The following SLC38A6 variants were observed in gnomAD, a reference collection of about 807,000 sequenced individuals.
SLC38A6 encodes solute carrier family 38 member 6, also known as N system amino acid transporter NAT-1.
In SLC38A6, 73 loss-of-function variants were observed where a neutral mutation model predicts 65.0. The observed-to-expected ratio is 1.12, with a 90% CI of 0.93 to 1.37. The LOEUF is 1.37. Among genes scored for constraint, SLC38A6 ranks in the 40% most tolerant of loss-of-function variants. The pLI is 0.00. For missense variants in SLC38A6, 561 were observed against 531.1 expected (o/e 1.06, Z -0.55); for synonymous variants, 183 against 178.8 (o/e 1.02, Z -0.19).
intron 16 of SLC38A6, among the ~76,000 whole-genome samples, chr14:61,080,283 G>A (rs1435472764): frequency 1.3e-5 from 2 of 151,984 alleles, no homozygotes; most frequent in African/African-American, 2.4e-5. Context: ...ATTTGATTTC[G>A]TGTTCTCTAG....
At chr14:61,002,011 GT>G (rs2038745521) in intron 3 of SLC38A6, 1 of 151,816 alleles carries the variant, frequency 6.6e-6, no homozygotes, top group South Asian at 2.1e-4. Flanking sequence ...AATTATATTT[GT>G]TTGTTTTTAT....
chr14:61,082,384 G>A (rs549276854), intron 16 of SLC38A6, among the ~76,000 whole-genome samples: 1 of 152,178 alleles, frequency 6.6e-6, no homozygotes, highest in African/African-American at 2.4e-5. Context: ...TGCCATGATG[G>A]GTCTCTGCAA....
intron 1 of SLC38A6, 141 bp from the exon 2 acceptor site, chr14:60,982,367 T>G (rs1187891844): frequency 9.9e-7 from 1 of 1,013,800 alleles, no homozygotes; most frequent in Non-Finnish European, 1.5e-6. Context: ...AGGAAATTAG[T>G]GTTGGTTAAG....
chr14:61,042,278 T>C (rs1328527352), intron 8 of SLC38A6, among the ~76,000 whole-genome samples: 1 of 152,212 alleles, frequency 6.6e-6, no homozygotes, highest in East Asian at 1.9e-4. Flanking sequence ...ACTAGGTAAA[T>C]ACCAAGTAGG....
intron 12 of SLC38A6, among the ~76,000 whole-genome samples, chr14:61,048,606 T>C (rs1051042091): frequency 1.3e-5 from 2 of 152,182 alleles, no homozygotes; most frequent in African/African-American, 4.8e-5. Flanking sequence ...CTATTTTGAA[T>C]TTGTAATAAA....
chr14:61,007,195 G>A (rs1595044492), intron 3 of SLC38A6, among the ~76,000 whole-genome samples: 2 of 152,214 alleles, frequency 1.3e-5, no homozygotes, highest in South Asian at 4.2e-4. Flanking sequence ...AAGGGAGAGG[G>A]ATAGCATTAG....
chr14:61,033,404 C>G (rs759455804), intron 6 of SLC38A6, among the ~76,000 whole-genome samples: 10 of 151,962 alleles, frequency 6.6e-5, no homozygotes, highest in Non-Finnish European at 1.2e-4. Context: ...CAAACAAGTT[C>G]TCTAGGAAGT....
chr14:61,051,827 C>T lies in SLC38A6; in HGVS notation c.1091C>T (p.Pro364Leu), dbSNP rs866088353. ...ACAATGATGTTTTTCTCCAATTTTC[C>T]ATTCTCATGGATTCGCCATTTTTTG... Reference protein sequence around the residue: ...AVTMMFFSNFPFSWIRHFLIT... With the variant: ...AVTMMFFSNFLFSWIRHFLIT... The change falls in exon 14 of 16, where the codon CCA becomes CTA. Residue 364 changes from proline to leucine, a missense_variant. Pro to Leu is a moderately conservative substitution (Grantham distance 98, BLOSUM62 -3). Transcript: ENST00000267488. 6.2e-7 allele frequency: 1 copy of T among 1,612,194 alleles called. No individual in the cohort carries two copies. Among genetic ancestry groups the T allele is most frequent in the Non-Finnish European group, 8.5e-7 (1 of 1,179,244 alleles).
chr14:61,054,951 A>G (rs2042656003), downstream of SLC38A6, among the ~76,000 whole-genome samples: 3 of 152,046 alleles, frequency 2.0e-5, no homozygotes, highest in Admixed American at 6.5e-5. Context: ...TTTTCAAGGG[A>G]AATGCTTCCA....
intron 15 of SLC38A6, among the ~76,000 whole-genome samples, chr14:61,062,560 C>T (rs886294579): frequency 2.0e-5 from 3 of 151,876 alleles, no homozygotes; most frequent in Admixed American, 2.0e-4. Flanking sequence ...TTCCTGGGCT[C>T]AAGTGATCCC....
intron 11 of SLC38A6, 31 bp downstream of exon 11, chr14:61,045,456 T>C (rs2139811089): frequency 6.6e-7 from 1 of 1,509,620 alleles, no homozygotes; most frequent in Non-Finnish European, 9.2e-7. Flanking sequence ...ATTTTAAATA[T>C]ATTGTGTATC....
intron 4 of SLC38A6, among the ~76,000 whole-genome samples, chr14:61,018,175 T>G (rs1227006740): frequency 1.3e-5 from 2 of 152,220 alleles, no homozygotes; most frequent in Non-Finnish European, 2.9e-5. Flanking sequence ...TAAGTTAATA[T>G]TACTGTTTTT....
chr14:61,075,611 T>A (rs1177136369), intron 15 of SLC38A6, among the ~76,000 whole-genome samples: 1 of 152,198 alleles, frequency 6.6e-6, no homozygotes, highest in African/African-American at 2.4e-5. Flanking sequence ...GGGGAATGCC[T>A]CTTTTTAGAG....
At chr14:61,007,345 A>G (rs2039213549) in intron 3 of SLC38A6, among the ~76,000 whole-genome samples, 2 of 151,862 alleles carry the variant, frequency 1.3e-5, no homozygotes, top group Admixed American at 6.6e-5. Context: ...AAATAAAAGA[A>G]CAGACCAGAT....
chr14:60,982,348 G>A, intron 1 of SLC38A6, 160 bp from the exon 2 acceptor site: 1 of 852,450 alleles, frequency 1.2e-6, no homozygotes, highest in Non-Finnish European at 1.9e-6. Flanking sequence ...GAGGTGGGAA[G>A]GAAAGGAAAG....
At chr14:60,985,809 A>T (rs1292325120) in intron 3 of SLC38A6, among the ~76,000 whole-genome samples, 2 of 152,076 alleles carry the variant, frequency 1.3e-5, no homozygotes, top group African/African-American at 4.8e-5. Flanking sequence ...CTCCATCTGC[A>T]TCTAGTAAGG....
chr14:61,067,488 TC>T (rs2043062347), intron 15 of SLC38A6, among the ~76,000 whole-genome samples: 1 of 152,298 alleles, frequency 6.6e-6, no homozygotes, highest in Non-Finnish European at 1.5e-5. Flanking sequence ...GATGTATTTT[TC>T]CCCGGAAAAA....
chr14:61,064,764 T>C (rs2042969650), intron 15 of SLC38A6, among the ~76,000 whole-genome samples: 1 of 151,828 alleles, frequency 6.6e-6, no homozygotes, highest in African/African-American at 2.4e-5. Flanking sequence ...GTAATAACTA[T>C]TTAAAATAAA....
chr14:61,052,486 T>G lies in SLC38A6; in HGVS notation c.*57T>G. 6.6e-7 allele frequency: 1 copy of G among 1,516,922 alleles called. No individual in the cohort carries two copies. The highest frequency in any genetic ancestry group is 8.8e-7 in the Non-Finnish European group (1 of 1,140,690). 94.0% of individuals were successfully genotyped at this position (1,516,922 alleles called of 1,614,324 possible). A position where few individuals can be genotyped will look rare whatever the true frequency, so the allele number is the denominator to read the frequency against. On this transcript the variant is annotated 3_prime_UTR_variant, in exon 16 of 16. Coordinates refer to ENST00000267488, the MANE Select transcript of SLC38A6 (RefSeq NM_153811.3). ...ATATACCCCTAGTTGCAAGAATGAATTATTCCGGAAGACACCCTGGATGAA... is the reference window on the plus strand; with the variant it reads ...ATATACCCCTAGTTGCAAGAATGAAGTATTCCGGAAGACACCCTGGATGAA...
Sources: gnomAD v4.1 joint callset for allele counts (sites outside exome capture counted in the v4.1 genomes callset) on GRCh38, gnomAD v4.1.1 for gene constraint, MANE v1.5 for transcripts, NCBI Gene and HGNC (gene_info 2026-07-23, HGNC 2026-07-21) for gene names.